Variants in SPATA22 observed in about 807,000 individuals in gnomAD.
The protein encoded by SPATA22 is spermatogenesis-associated protein 22.
SPATA22 carries 29 observed loss-of-function variants against 47.8 expected under a neutral mutation model. That is an observed-to-expected ratio of 0.61 (90% CI 0.45 to 0.83). The LOEUF (loss-of-function observed/expected upper bound fraction) is 0.83. Among genes scored for constraint, SPATA22 ranks in the 40% least tolerant of loss-of-function variants. SPATA22 has a pLI of 0.00. For synonymous variants in SPATA22, 133 were observed against 140.9 expected (o/e 0.94, Z 0.40); for missense variants, 410 against 421.7 (o/e 0.97, Z 0.24).
At chr17:3,502,558 T>C (rs939663426) in intron 1 of SPATA22, 3 of 152,250 alleles carry the variant, frequency 2.0e-5, no homozygotes, top group African/African-American at 4.8e-5. Context: ...AGTGCTGTTT[T>C]GTAGATGAAA....
chr17:3,476,545 T>C (rs760211853), upstream of SPATA22: 2 of 792,942 alleles, frequency 2.5e-6, no homozygotes, highest in Non-Finnish European at 4.2e-6. Context: ...CTTTTAATTA[T>C]ACTGCATTGT....
chr17:3,498,870 A>T, intron 1 of SPATA22: 1 of 1,510,602 alleles, frequency 6.6e-7, no homozygotes, highest in Non-Finnish European at 8.8e-7. Context: ...TAATATATTT[A>T]TTTTGATTGT....
rs575756416 is a variant in SPATA22, at chr17:3,471,611, G to A, written c.-74+71C>T. 4.4e-4 allele frequency: 431 copies of A among 985,238 alleles called. 2 individuals are homozygous for A. The African/African-American group carries it at 6.4e-3, about 15-fold the overall frequency. 61.0% of individuals were successfully genotyped at this position (985,238 alleles called of 1,614,324 possible). ...GGTGGGAGAGAAGAGGCTCCAGTCC[G>A]AGTTGAGACGCTCTTCCAAAGGCCT... is the stretch of plus-strand genomic sequence containing the variant. On this transcript the variant is annotated intron_variant, in intron 1 of 8. Coordinates refer to ENST00000572969, the MANE Select transcript of SPATA22 (RefSeq NM_001170698.2).
At chr17:3,448,705 A>G in intron 6 of SPATA22, 102 bp downstream of exon 6, 1 of 813,914 alleles carries the variant, frequency 1.2e-6, no homozygotes, top group Non-Finnish European at 1.9e-6. Flanking sequence ...AATGTATGTC[A>G]TGGAATTTAT....
chr17:3,511,286 G>A (rs1373700994), intron 1 of SPATA22: 1 of 152,158 alleles, frequency 6.6e-6, no homozygotes, highest in Non-Finnish European at 1.5e-5. Flanking sequence ...TGAGAAAATA[G>A]TCCTGCCCCC....
At chr17:3,492,931 T>C (rs1161265299) in intron 1 of SPATA22, among the ~76,000 whole-genome samples, 1 of 152,164 alleles carries the variant, frequency 6.6e-6, no homozygotes, top group Non-Finnish European at 1.5e-5. Context: ...GAGGTGGTTG[T>C]TTGAAGCCAC....
intron 1 of SPATA22, among the ~76,000 whole-genome samples, chr17:3,486,318 C>A (rs186528687): frequency 1.3e-5 from 2 of 152,284 alleles, no homozygotes; most frequent in East Asian, 3.9e-4. Context: ...CAAGGCTGTT[C>A]ACTATACAGA....
chr17:3,497,933 T>C (rs2073935319), intron 1 of SPATA22, among the ~76,000 whole-genome samples: 1 of 152,162 alleles, frequency 6.6e-6, no homozygotes, highest in African/African-American at 2.4e-5. Flanking sequence ...AGAACTGTTC[T>C]GGGGTTCCCG....
intron 3 of SPATA22, among the ~76,000 whole-genome samples, chr17:3,464,325 C>T (rs937449048): frequency 6.6e-6 from 1 of 151,002 alleles, no homozygotes; most frequent in African/African-American, 2.4e-5. Flanking sequence ...GATCTCGGCT[C>T]GCTACAACCT....
At position 3,441,964 on chromosome 17, in the gene SPATA22, A is replaced by G. The variant is rs566662417; in HGVS notation, c.900+1210T>C. The G allele has an allele frequency of 3.3e-5, 5 of 152,158 alleles. No homozygotes were observed. In the East Asian group the frequency reaches 9.7e-4, roughly 29 times the overall value. 9.4% of individuals were successfully genotyped at this position (152,158 alleles called of 1,614,324 possible). On this transcript the variant is annotated intron_variant, in intron 8 of 8. Coordinates refer to ENST00000572969, the MANE Select transcript of SPATA22 (RefSeq NM_001170698.2). ...CAGGCAGAATGAATTGATGACATTA[A>G]AAGTCAGGCTAGTGGTTACCTGTAA...
chr17:3,466,407 T>C (rs1252956925), intron 3 of SPATA22, among the ~76,000 whole-genome samples: 1 of 151,926 alleles, frequency 6.6e-6, no homozygotes, highest in Admixed American at 6.6e-5. Flanking sequence ...AGCTAACTGG[T>C]TCAGAGGTAA....
intron 1 of SPATA22, among the ~76,000 whole-genome samples, chr17:3,477,515 G>A (rs1363844118): frequency 1.3e-5 from 2 of 152,038 alleles, no homozygotes; most frequent in Non-Finnish European, 2.9e-5. Context: ...GTGCAATGGT[G>A]CAATCTCAGC....
At chr17:3,471,620 C>G (rs1303909923) in intron 1 of SPATA22, 62 bp downstream of exon 1, 2 of 985,382 alleles carry the variant, frequency 2.0e-6, no homozygotes, top group East Asian at 1.1e-4. Flanking sequence ...CGAGTTGAGA[C>G]GCTCTTCCAA....
intron 1 of SPATA22, among the ~76,000 whole-genome samples, chr17:3,483,914 T>G (rs1459938773): frequency 6.6e-6 from 1 of 152,126 alleles, no homozygotes; most frequent in African/African-American, 2.4e-5. Context: ...TGCCTCAGCC[T>G]CCCAAAGTGC....
intron 1 of SPATA22, among the ~76,000 whole-genome samples, chr17:3,491,506 G>T (rs2073823292): frequency 6.6e-6 from 1 of 152,122 alleles, no homozygotes; most frequent in South Asian, 2.1e-4. Context: ...TTGCACTTTG[G>T]GAGGCTGAGG....
intron 1 of SPATA22, chr17:3,510,712 C>G (rs1035144309): frequency 2.0e-5 from 3 of 152,204 alleles, no homozygotes; most frequent in African/African-American, 4.8e-5. Context: ...ACCAAGATCA[C>G]AGTAAAAAAT....
At position 3,490,270 on chromosome 17, in the gene SPATA22, G is replaced by T. The variant is rs551886769; in HGVS notation, c.-73-20872C>A. Among the ~76,000 whole-genome samples the T allele has an allele frequency of 4.9e-4, 75 of 152,264 alleles. No individual in the cohort carries two copies. Among genetic ancestry groups the T allele is most frequent in the Middle Eastern group, 3.4e-3 (1 of 292 alleles). ...TGTAATTAAAAATTAATTAAACGGG[G>T]ACTGGTGGACAAGGTGGGTATATGC... On this transcript the variant is annotated intron_variant, in intron 1 of 8. Coordinates refer to the SPATA22 transcript ENST00000541913. The surrounding 1 kb of genome is among the most constrained non-coding windows in gnomAD (Gnocchi z 4.6).
chr17:3,440,754 A>T (rs969763582), intron 8 of SPATA22: 1 of 153,816 alleles, frequency 6.5e-6, no homozygotes. Flanking sequence ...CATCAGAGAG[A>T]TATCAAGACA....
intron 3 of SPATA22, among the ~76,000 whole-genome samples, chr17:3,464,877 T>C (rs189556431): frequency 0.19 from 17,241 of 88,514 alleles, 2,787 homozygotes; most frequent in East Asian, 0.39. Flanking sequence ...CCACCCCGTC[T>C]GGGAGGGGGG....
Sources: allele counts gnomAD v4.1 joint callset (sites outside exome capture counted in the v4.1 genomes callset), GRCh38; gene constraint gnomAD v4.1.1; non-coding constraint Gnocchi (gnomAD v3.1); transcripts MANE v1.5; gene names NCBI Gene and HGNC (gene_info 2026-07-23, HGNC 2026-07-21).